Variants in TSHZ1 observed in about 807,000 individuals in gnomAD.
TSHZ1 encodes the protein teashirt zinc finger homeobox 1.
Under a neutral mutation model 67.1 loss-of-function variants are expected in TSHZ1, and 12 were observed. That is an observed-to-expected ratio of 0.18 (90% CI 0.11 to 0.29). The LOEUF is 0.29. Ranked by LOEUF, TSHZ1 falls within the 10% of genes least tolerant of loss-of-function variation. The probability of loss-of-function intolerance (pLI) is 1.00; values close to 1 mark genes in which losing one functional copy is unlikely to be tolerated. For synonymous variants in TSHZ1, 632 were observed against 622.4 expected (o/e 1.02, Z -0.23); for missense variants, 1,305 against 1,413.9 (o/e 0.92, Z 1.23).
intron 1 of TSHZ1, among the ~76,000 whole-genome samples, chr18:75,237,973 C>T (rs888626512): frequency 7.9e-5 from 12 of 151,938 alleles, no homozygotes; most frequent in African/African-American, 1.7e-4. Context: ...CCACCATGCC[C>T]GGCTAATTTT....
intron 1 of TSHZ1, among the ~76,000 whole-genome samples, chr18:75,243,889 CAT>C (rs2023189244): frequency 6.6e-6 from 1 of 152,144 alleles, no homozygotes; most frequent in Non-Finnish European, 1.5e-5. Context: ...TATAACACAA[CAT>C]GTACGTCCTG....
Position 75,224,690 on chromosome 18 carries a change from A to G in TSHZ1, c.40+12774A>G, listed in dbSNP as rs1398947529. ...TTTGGAGCCTGCCTGTTAATTGTCC[A>G]TGTTTAAATTCAGAAGGTTGACTTT... On this transcript the variant is annotated intron_variant, in intron 1 of 1. Transcript: ENST00000580243. Among the ~76,000 whole-genome samples, 5 of 151,936 alleles carry G rather than the reference A, an allele frequency of 3.3e-5. No homozygotes were observed. In the East Asian group the frequency reaches 7.7e-4, roughly 24 times the overall value.
intron 1 of TSHZ1, among the ~76,000 whole-genome samples, chr18:75,212,208 A>G (rs945731417): frequency 6.6e-5 from 10 of 152,078 alleles, no homozygotes; most frequent in Admixed American, 2.0e-4. Flanking sequence ...GCTTCTGGCT[A>G]CCTCAGGAGG....
Position 75,226,411 on chromosome 18 carries a change from AAGC to A in TSHZ1, c.40+14499_40+14501del, listed in dbSNP as rs569544153. 1.9e-3 allele frequency among the ~76,000 whole-genome samples: 287 copies of A among 152,290 alleles called. 1 individual carries two copies. Among genetic ancestry groups the A allele is most frequent in the Middle Eastern group, 3.4e-3 (1 of 294 alleles). ...TCAGGCACTGTCTTATCTGTTTGTAAAGCAGCTCAGGCCCCAGATTTAAGTCAT... is the reference window on the plus strand; with the variant it reads ...TCAGGCACTGTCTTATCTGTTTGTAAAGCTCAGGCCCCAGATTTAAGTCAT... On this transcript the variant is annotated intron_variant, in intron 1 of 1. Coordinates refer to ENST00000580243, the MANE Select transcript of TSHZ1 (RefSeq NM_001308210.2).
chr18:75,252,364 G>A (rs553778285), intron 1 of TSHZ1, among the ~76,000 whole-genome samples: 21 of 152,272 alleles, frequency 1.4e-4, no homozygotes, highest in Non-Finnish European at 2.9e-4. Flanking sequence ...ACTGCCAACT[G>A]GCCTTCTGGG....
intron 1 of TSHZ1, among the ~76,000 whole-genome samples, chr18:75,254,465 G>A (rs983290706): frequency 2.9e-4 from 44 of 152,168 alleles, no homozygotes; most frequent in African/African-American, 1.1e-3. Flanking sequence ...AAAAGTCCAT[G>A]TACTGAATTC....
Position 75,289,601 on chromosome 18 carries a change from T to C in TSHZ1, c.*960T>C, listed in dbSNP as rs1432710140. ...CGTACCATTTTAATCTCTTCAACTT[T>C]CTTTGTACCTTCTGGCTGTATGCTT... On this transcript the variant is annotated 3_prime_UTR_variant, in exon 2 of 2. Transcript: ENST00000580243. The C allele has an allele frequency of 6.0e-6, 1 of 167,118 alleles. No individual in the cohort carries two copies. Among genetic ancestry groups the C allele is most frequent in the Non-Finnish European group, 1.5e-5 (1 of 68,128 alleles). The allele number at this position is 167,118 out of a possible 1,614,324, so 10.4% of individuals were successfully genotyped here. A position where few individuals can be genotyped will look rare whatever the true frequency, so the allele number is the denominator to read the frequency against.
intron 1 of TSHZ1, among the ~76,000 whole-genome samples, chr18:75,245,800 C>A (rs2023214302): frequency 6.6e-6 from 1 of 152,166 alleles, no homozygotes; most frequent in South Asian, 2.1e-4. Flanking sequence ...CAGTTTCTAT[C>A]ATAAATTATT....
intron 1 of TSHZ1, among the ~76,000 whole-genome samples, chr18:75,243,222 G>T (rs577094448): frequency 6.6e-6 from 1 of 152,310 alleles, no homozygotes; most frequent in South Asian, 2.1e-4. Context: ...ATCACCCCTG[G>T]GTAAGGTTGT....
At chr18:75,243,860 T>C (rs1321103141) in intron 1 of TSHZ1, among the ~76,000 whole-genome samples, 1 of 152,156 alleles carries the variant, frequency 6.6e-6, no homozygotes, top group East Asian at 1.9e-4. Flanking sequence ...TAATAGGGTC[T>C]TGGTACAGAC....
Position 75,211,371 on chromosome 18 carries a change from AAAAC to A in TSHZ1, c.-504_-501del, listed in dbSNP as rs1441469804. On this transcript the variant is annotated 5_prime_UTR_variant, in exon 1 of 2. Coordinates refer to ENST00000580243, the MANE Select transcript of TSHZ1 (RefSeq NM_001308210.2). ...TGAGAAAGCTGCGACCCGCGCACTA[AAAAC>A]ACTCGCCGCGACCCCCAAACAGCGA... The A allele has an allele frequency of 5.3e-5, 8 of 151,904 alleles. No individual in the cohort carries two copies. The highest frequency in any genetic ancestry group is 5.2e-4 in the Admixed American group (8 of 15,262). 9.4% of individuals were successfully genotyped at this position (151,904 alleles called of 1,614,324 possible). A position where few individuals can be genotyped will look rare whatever the true frequency, so the allele number is the denominator to read the frequency against.
At position 75,288,095 on chromosome 18, in the gene TSHZ1, C is replaced by T. The variant is rs755050203; in HGVS notation, c.2688C>T (p.His896=). The T allele has an allele frequency of 1.1e-5, 17 of 1,613,582 alleles. No individual in the cohort carries two copies. The highest frequency in any genetic ancestry group is 1.4e-5 in the Non-Finnish European group (16 of 1,179,984). Residue 896 remains histidine (H), a synonymous_variant, in exon 2 of 2, where the codon CAC becomes CAT. Transcript: ENST00000580243. This position sits in a 1 kb window ranked among gnomAD's most constrained non-coding sequence, Gnocchi z 4.9. ...GGCAGTCCAACTGGAACCCGCAGCA[C>T]CTTCTCATCCTGCAGGCCCAGTTCG... ...KGRQSNWNPQ[H]LLILQAQFAS...
In TSHZ1 at chr18:75,286,133, C is replaced by T. The variant is rs373968717; in HGVS notation, c.726C>T (p.Gly242=). ...NNKLYGSVFT[G]ASKFRCKDCS... The stretch of plus-strand genomic sequence containing the variant: ...AGCTCTACGGCTCCGTCTTCACGGG[C>T]GCCAGCAAGTTCCGGTGCAAAGACT... The change falls in exon 2 of 2, where the codon GGC becomes GGT. Residue 242 remains glycine (G), a synonymous_variant. Coordinates refer to ENST00000580243, the MANE Select transcript of TSHZ1 (RefSeq NM_001308210.2). The surrounding 1 kb of genome is among the most constrained non-coding windows in gnomAD (Gnocchi z 5.1). 7.3e-5 allele frequency: 117 copies of T among 1,613,074 alleles called. No individual in the cohort carries two copies. In the Admixed American group the frequency reaches 1.4e-3, roughly 20 times the overall value.
At chr18:75,272,548 A>G (rs558944173) in intron 1 of TSHZ1, among the ~76,000 whole-genome samples, 1 of 152,356 alleles carries the variant, frequency 6.6e-6, no homozygotes, top group Non-Finnish European at 1.5e-5. Flanking sequence ...CTCTTTGCCT[A>G]GAGAGTCACT....
At chr18:75,279,319 G>C (rs991681222) in intron 1 of TSHZ1, among the ~76,000 whole-genome samples, 12 of 152,200 alleles carry the variant, frequency 7.9e-5, no homozygotes, top group African/African-American at 2.9e-4. Flanking sequence ...TAGTAGAATA[G>C]TAAAATAGCT....
At chr18:75,235,272 A>T (rs752549835) in intron 1 of TSHZ1, among the ~76,000 whole-genome samples, 4 of 152,128 alleles carry the variant, frequency 2.6e-5, no homozygotes, top group South Asian at 2.1e-4. Context: ...TGGGTCCCTT[A>T]TGCTCATTCT....
intron 1 of TSHZ1, among the ~76,000 whole-genome samples, chr18:75,255,843 A>T (rs1469429165): frequency 6.6e-6 from 1 of 152,220 alleles, no homozygotes; most frequent in Non-Finnish European, 1.5e-5. Context: ...TCAGGAAGAG[A>T]CTGAGCTAAT....
At chr18:75,266,177 G>T (rs2023488628) in intron 1 of TSHZ1, among the ~76,000 whole-genome samples, 2 of 152,178 alleles carry the variant, frequency 1.3e-5, no homozygotes, top group South Asian at 4.1e-4. Flanking sequence ...GGTGTGGGAG[G>T]AGACTTGCAG....
At position 75,287,884 on chromosome 18, in the gene TSHZ1, A is replaced by AT; in HGVS notation, c.2479dup (p.Ser827PhefsTer42). The AT allele has an allele frequency of 6.2e-7, 1 of 1,614,226 alleles. No individual in the cohort carries two copies. Among genetic ancestry groups the AT allele is most frequent in the Non-Finnish European group, 8.5e-7 (1 of 1,180,044 alleles). Reference sequence around the variant, plus strand: ...AAGCCGCTGGTGTCCAGCGTGGCTGATTCGGTGGCATCACCTCTGCGGGAG... The same window carrying AT: ...AAGCCGCTGGTGTCCAGCGTGGCTGATTTCGGTGGCATCACCTCTGCGGGAG... On this transcript the variant is annotated frameshift_variant, in exon 2 of 2. Transcript: ENST00000580243. LOFTEE classifies it high-confidence loss of function. The surrounding 1 kb of genome is among the most constrained non-coding windows in gnomAD (Gnocchi z 5.0).
Sources: gnomAD v4.1 joint callset for allele counts (sites outside exome capture counted in the v4.1 genomes callset) on GRCh38, gnomAD v4.1.1 for gene constraint, Gnocchi (gnomAD v3.1) non-coding constraint, MANE v1.5 for transcripts, NCBI Gene and HGNC (gene_info 2026-07-23, HGNC 2026-07-21) for gene names.